Variants in DAB2 observed in about 807,000 individuals in gnomAD.
DAB2 encodes the protein DAB adaptor protein 2.
Under a neutral mutation model 71.6 loss-of-function variants are expected in DAB2, and 28 were observed. The observed-to-expected ratio is 0.39, with a 90% CI of 0.29 to 0.54. The LOEUF (loss-of-function observed/expected upper bound fraction) is 0.54, where lower values mean the gene tolerates loss of function less well. Among genes scored for constraint, DAB2 ranks in the 20% least tolerant of loss-of-function variants. DAB2 has a pLI of 0.68. For synonymous variants in DAB2, 345 were observed against 339.7 expected, an observed-to-expected ratio of 1.02 and a Z score of -0.17; for missense variants, 867 against 928.8, an observed-to-expected ratio of 0.93 and a Z score of 0.86.
At chr5:39,410,974 G>A (rs1259498252) in intron 1 of DAB2, among the ~76,000 whole-genome samples, 1 of 152,074 alleles carries the variant, frequency 6.6e-6, no homozygotes, top group African/African-American at 2.4e-5. Flanking sequence ...GCAAAAGGTT[G>A]GTTAAAAAAT....
chr5:39,381,426 A>G (rs1437449478), intron 11 of DAB2, 28 bp downstream of exon 11: 6 of 1,603,974 alleles, frequency 3.7e-6, no homozygotes, highest in Non-Finnish European at 8.5e-7. Context: ...CAAAAGAGTC[A>G]TACTTAATTT....
chr5:39,377,447 G>T (rs1329088877), intron 11 of DAB2, among the ~76,000 whole-genome samples, 165 bp from the exon 12 acceptor site: 1 of 152,162 alleles, frequency 6.6e-6, no homozygotes, highest in East Asian at 1.9e-4. Context: ...GTAAAAGTTA[G>T]CCAGCTAACA....
Position 39,389,805 on chromosome 5 carries a change from C to G in DAB2, c.543+47G>C, listed in dbSNP as rs183427136. On this transcript the variant is annotated intron_variant, in intron 6 of 14. Coordinates refer to ENST00000320816, the MANE Select transcript of DAB2 (RefSeq NM_001343.4). ...GGGATTATAGGTGTGAGCCACCATG[C>G]CCAGCCAGTTTTAAATTTAATAGAG... 2.8e-4 allele frequency: 325 copies of G among 1,143,802 alleles called. No individual in the cohort carries two copies. The African/African-American group carries it at 3.7e-3, about 13-fold the overall frequency. The allele number at this position is 1,143,802 out of a possible 1,614,324, so 70.9% of individuals were successfully genotyped here.
At position 39,389,951 on chromosome 5, in the gene DAB2, CT is replaced by C. The variant is rs1425180945; in HGVS notation, c.463-20del. The C allele has an allele frequency of 6.8e-7, 1 of 1,479,778 alleles. No individual in the cohort carries two copies. Among genetic ancestry groups the C allele is most frequent in the Non-Finnish European group, 9.2e-7 (1 of 1,088,400 alleles). The allele number at this position is 1,479,778 out of a possible 1,614,324, so 91.7% of individuals were successfully genotyped here. The stretch of plus-strand genomic sequence containing the variant: ...GTTCAGCCTGCAGTAAGGGAAAGCA[CT>C]GTTATCCGTATTTTAATTTTAGTAT... On this transcript the variant is annotated intron_variant, in intron 5 of 14. Coordinates refer to ENST00000320816, the MANE Select transcript of DAB2 (RefSeq NM_001343.4).
intron 9 of DAB2, among the ~76,000 whole-genome samples, chr5:39,386,142 G>A (rs1354561144): frequency 6.6e-6 from 1 of 152,138 alleles, no homozygotes; most frequent in Non-Finnish European, 1.5e-5. Flanking sequence ...CAGAACATGG[G>A]TTTTTATGTT....
At chr5:39,380,994 T>C (rs1232570574) in intron 11 of DAB2, among the ~76,000 whole-genome samples, 1 of 152,174 alleles carries the variant, frequency 6.6e-6, no homozygotes, top group Admixed American at 6.6e-5. Flanking sequence ...TATTCTTGCT[T>C]CAGACTTAAC....
At chr5:39,414,023 A>T (rs1755790202) in intron 1 of DAB2, among the ~76,000 whole-genome samples, 1 of 152,198 alleles carries the variant, frequency 6.6e-6, no homozygotes, top group African/African-American at 2.4e-5. Flanking sequence ...ATAGCTAGGC[A>T]GAGTTGTTGG....
intron 1 of DAB2, among the ~76,000 whole-genome samples, chr5:39,406,443 A>G (rs1267790654): frequency 6.6e-6 from 1 of 152,186 alleles, no homozygotes; most frequent in Non-Finnish European, 1.5e-5. Context: ...TTCAGTGGCT[A>G]AAACCCACCA....
intron 11 of DAB2, among the ~76,000 whole-genome samples, chr5:39,381,216 G>C (rs1328281331): frequency 6.6e-6 from 1 of 152,158 alleles, no homozygotes; most frequent in Non-Finnish European, 1.5e-5. Flanking sequence ...GTTCAAGTAA[G>C]TACAATACTG....
intron 13 of DAB2, 38 bp downstream of exon 13, chr5:39,375,959 T>A (rs1167301330): frequency 1.4e-6 from 2 of 1,462,656 alleles, no homozygotes; most frequent in Non-Finnish European, 1.9e-6. Context: ...CTATGTGGCA[T>A]GTACTTTGGA....
At position 39,382,978 on chromosome 5, in the gene DAB2, C is replaced by T. The variant is rs753430742; in HGVS notation, c.981G>A (p.Ser327=). 23 of 1,614,054 alleles carry T rather than the reference C, an allele frequency of 1.4e-5. No individual in the cohort carries two copies. Among genetic ancestry groups the T allele is most frequent in the Middle Eastern group, 1.6e-4 (1 of 6,062 alleles). The change falls in exon 10 of 15, where the codon TCG becomes TCA. Residue 327 remains serine, a synonymous_variant. Transcript: ENST00000320816. ...PDQKKENSSS[S]STPLSNGPLN... ...GGGGCCCATTACTCAGCGGAGTAGA[C>T]GAGCTACTCGAATTCTCTTTCTTCT...
intron 1 of DAB2, among the ~76,000 whole-genome samples, chr5:39,395,414 C>A (rs2112067235): frequency 6.6e-6 from 1 of 152,274 alleles, no homozygotes; most frequent in Admixed American, 6.5e-5. Flanking sequence ...CCTATACCAC[C>A]CATTTAAGTG....
rs1411270591 is a variant in DAB2, at chr5:39,372,771, A to G, written c.*660T>C. The G allele has an allele frequency of 6.6e-6, 1 of 152,160 alleles. No homozygotes were observed. The highest frequency in any genetic ancestry group is 1.5e-5 in the Non-Finnish European group (1 of 68,022). The allele number at this position is 152,160 out of a possible 1,614,324, so 9.4% of individuals were successfully genotyped here. On this transcript the variant is annotated 3_prime_UTR_variant, in exon 15 of 15. Coordinates refer to ENST00000320816, the MANE Select transcript of DAB2 (RefSeq NM_001343.4). The stretch of plus-strand genomic sequence containing the variant: ...GAATAATGTTCTTCCCTCATTTGCA[A>G]TAGCTAGCAAGAAATGGGAGAAAAG...
chr5:39,404,579 T>C (rs778469777), intron 1 of DAB2, among the ~76,000 whole-genome samples: 2 of 151,192 alleles, frequency 1.3e-5, no homozygotes, highest in Non-Finnish European at 3.0e-5. Flanking sequence ...TGGATTTTGG[T>C]TTTTGGGTTT....
chr5:39,378,126 T>C (rs1186311278), intron 11 of DAB2, among the ~76,000 whole-genome samples: 1 of 152,190 alleles, frequency 6.6e-6, no homozygotes, highest in Non-Finnish European at 1.5e-5. Context: ...TGTTGGGGCA[T>C]CTGATCTTTG....
rs1429070205 is a variant in DAB2 at position 39,372,380 on chromosome 5, G to A, written c.*1051C>T. The A allele has an allele frequency of 2.0e-5, 3 of 152,130 alleles. No homozygotes were observed. The highest frequency in any genetic ancestry group is 2.4e-5 in the African/African-American group (1 of 41,414). The allele number at this position is 152,130 out of a possible 1,614,324, so 9.4% of individuals were successfully genotyped here. A position where few individuals can be genotyped will look rare whatever the true frequency, so the allele number is the denominator to read the frequency against. On this transcript the variant is annotated 3_prime_UTR_variant, in exon 15 of 15. Transcript: ENST00000320816. Reference sequence around the variant, plus strand: ...AAAGGCCTAGCATGACCCCAAATAAGCACCTAATGTGTTTGGCACAATCAC... The same window carrying A: ...AAAGGCCTAGCATGACCCCAAATAAACACCTAATGTGTTTGGCACAATCAC...
intron 1 of DAB2, among the ~76,000 whole-genome samples, chr5:39,421,728 G>T (rs1485424997): frequency 6.6e-6 from 1 of 151,988 alleles, no homozygotes; most frequent in Admixed American, 6.6e-5. Context: ...ATTATGAGTT[G>T]GGTCTCCTTT....
At chr5:39,390,347 A>C in intron 5 of DAB2, 97 bp downstream of exon 5, 1 of 1,416,548 alleles carries the variant, frequency 7.1e-7, no homozygotes. Context: ...GCCCTCTTAC[A>C]TCCAATTATT....
intron 1 of DAB2, among the ~76,000 whole-genome samples, chr5:39,421,227 A>G (rs1755978128): frequency 6.6e-6 from 1 of 152,234 alleles, no homozygotes; most frequent in Non-Finnish European, 1.5e-5. Context: ...TTTTTCAAGT[A>G]GGTGAAGGGT....
Sources: allele counts gnomAD v4.1 joint callset (sites outside exome capture counted in the v4.1 genomes callset), GRCh38; gene constraint gnomAD v4.1.1; transcripts MANE v1.5; gene names NCBI Gene and HGNC (gene_info 2026-07-23, HGNC 2026-07-21).